DLC1: variants seen among roughly 807,000 people sequenced by gnomAD.
The protein encoded by DLC1 is rho GTPase-activating protein 7.
Under a neutral mutation model 140.3 loss-of-function variants are expected in DLC1, and 54 were observed. That is an observed-to-expected ratio of 0.38 (90% CI 0.31 to 0.48). The LOEUF (loss-of-function observed/expected upper bound fraction) is 0.48, where lower values mean the gene tolerates loss of function less well. DLC1 is among the 20% of genes least tolerant of loss of function. The pLI is 0.96. For missense variants in DLC1, 2,536 were observed against 1,907.0 expected (o/e 1.33, Z -6.14); for synonymous variants, 986 against 728.1 (o/e 1.35, Z -5.70).
chr8:13,405,929 CTT>C (rs1218298822), intron 2 of DLC1, among the ~76,000 whole-genome samples: 1 of 78,734 alleles, frequency 1.3e-5, no homozygotes, highest in Non-Finnish European at 2.6e-5. Flanking sequence ...TTCTTTCTTT[CTT>C]TCTTTCTTTC....
chr8:13,478,193 A>T (rs185866236), intron 2 of DLC1, among the ~76,000 whole-genome samples: 1 of 152,334 alleles, frequency 6.6e-6, no homozygotes, highest in Admixed American at 6.5e-5. Context: ...GAAGCTTACA[A>T]TCATGGTGGA....
At position 13,153,959 on chromosome 8, in the gene DLC1, G is replaced by A. The variant is rs191755532; in HGVS notation, c.1349-38302C>T. On this transcript the variant is annotated intron_variant, in intron 5 of 17. Coordinates refer to ENST00000276297, the MANE Select transcript of DLC1 (RefSeq NM_182643.3). ...ACTGATTGGTGTGTTTACAAACCTT[G>A]AGCTAGACACAGGGTGGTGATTGGT... Among the ~76,000 whole-genome samples the A allele has an allele frequency of 2.0e-3, 300 of 152,178 alleles. 2 individuals are homozygous for A. Among genetic ancestry groups the A allele is most frequent in the African/African-American group, 7.0e-3 (290 of 41,530 alleles).
At chr8:13,198,328 T>C (rs1312805877) in intron 5 of DLC1, among the ~76,000 whole-genome samples, 1 of 152,158 alleles carries the variant, frequency 6.6e-6, no homozygotes, top group Non-Finnish European at 1.5e-5. Flanking sequence ...TTGTTTTGAA[T>C]TGGTACCATT....
rs184228352 is a variant in DLC1, at chr8:13,300,481, C to T, written c.1348+4788G>A. Among the ~76,000 whole-genome samples, 180 of 152,270 alleles carry T rather than the reference C, an allele frequency of 1.2e-3. 1 individual carries two copies. The highest frequency in any genetic ancestry group is 4.1e-3 in the African/African-American group (171 of 41,548). On this transcript the variant is annotated intron_variant, in intron 5 of 17. Coordinates refer to ENST00000276297, the MANE Select transcript of DLC1 (RefSeq NM_182643.3). ...TTGAACTTAAAAACAAACTCTCCAA[C>T]CTCATTGTCCCACCATCCCCCTCCC...
At chr8:13,530,968 G>T (rs1157422235) in intron 1 of DLC1, among the ~76,000 whole-genome samples, 1 of 152,144 alleles carries the variant, frequency 6.6e-6, no homozygotes, top group East Asian at 1.9e-4. Context: ...ATTTGGAGAT[G>T]ATGCATTTGG....
intron 4 of DLC1, among the ~76,000 whole-genome samples, chr8:13,352,023 G>A (rs367969049): frequency 9.2e-5 from 14 of 152,128 alleles, no homozygotes; most frequent in East Asian, 1.9e-4. Flanking sequence ...CATGAGCCAC[G>A]GTGCCCAGCC....
At chr8:13,470,083 CT>C (rs150672265) in intron 2 of DLC1, among the ~76,000 whole-genome samples, 8 of 150,090 alleles carry the variant, frequency 5.3e-5, no homozygotes, top group Admixed American at 6.6e-5. Flanking sequence ...TTTTTTCCCC[CT>C]TTGGTGAACC....
intron 4 of DLC1, among the ~76,000 whole-genome samples, chr8:13,327,565 C>G (rs189928378): frequency 6.6e-6 from 1 of 151,802 alleles, no homozygotes; most frequent in Middle Eastern, 3.2e-3. Flanking sequence ...AGCAATCCTC[C>G]TGTCTCAGGT....
intron 4 of DLC1, among the ~76,000 whole-genome samples, chr8:13,328,976 T>C (rs1833484154): frequency 6.6e-6 from 1 of 152,080 alleles, no homozygotes; most frequent in Non-Finnish European, 1.5e-5. Context: ...GTGAAGGGGA[T>C]GGGAAGCTGG....
At chr8:13,196,654 C>T (rs1189719721) in intron 5 of DLC1, among the ~76,000 whole-genome samples, 1 of 152,224 alleles carries the variant, frequency 6.6e-6, no homozygotes, top group Non-Finnish European at 1.5e-5. Context: ...GAAACAAGTT[C>T]TCCAGGGAAA....
intron 4 of DLC1, among the ~76,000 whole-genome samples, chr8:13,320,842 C>G (rs771473675): frequency 6.6e-6 from 1 of 152,124 alleles, no homozygotes; most frequent in Non-Finnish European, 1.5e-5. Context: ...GAGACAGACA[C>G]CATCTCTACA....
intron 4 of DLC1, among the ~76,000 whole-genome samples, chr8:13,316,259 G>T (rs1832856123): frequency 6.6e-6 from 1 of 152,298 alleles, no homozygotes; most frequent in African/African-American, 2.4e-5. Context: ...GTCTGACAAG[G>T]TGGAAGGGCA....
intron 4 of DLC1, among the ~76,000 whole-genome samples, chr8:13,306,959 C>T (rs1177652832): frequency 1.3e-5 from 2 of 151,566 alleles, no homozygotes; most frequent in East Asian, 1.9e-4. Context: ...TGGCAGGTGC[C>T]CGTAATCCCA....
intron 4 of DLC1, among the ~76,000 whole-genome samples, chr8:13,359,015 T>C (rs1288717300): frequency 6.6e-6 from 1 of 152,180 alleles, no homozygotes; most frequent in Non-Finnish European, 1.5e-5. Context: ...CTAGGCTCAC[T>C]GCAAGCTCCG....
At chr8:13,526,923 T>TA (rs921993208) in intron 1 of DLC1, among the ~76,000 whole-genome samples, 2 of 152,044 alleles carry the variant, frequency 1.3e-5, no homozygotes, top group Non-Finnish European at 2.9e-5. Context: ...AAGTAAAATT[T>TA]AAAAAAAAGT....
At chr8:13,109,102 A>G (rs1017803329) in intron 7 of DLC1, among the ~76,000 whole-genome samples, 4 of 152,156 alleles carry the variant, frequency 2.6e-5, no homozygotes, top group African/African-American at 9.7e-5. Flanking sequence ...TATGCTAAAT[A>G]TCCCATCTAT....
intron 4 of DLC1, among the ~76,000 whole-genome samples, chr8:13,370,929 C>A (rs905684726): frequency 6.6e-6 from 1 of 152,126 alleles, no homozygotes. Context: ...TACACATGAT[C>A]CTGGCCAAGG....
intron 4 of DLC1, among the ~76,000 whole-genome samples, chr8:13,319,268 C>T (rs890991472): frequency 6.6e-6 from 1 of 152,182 alleles, no homozygotes; most frequent in African/African-American, 2.4e-5. Flanking sequence ...AGAAATTTTG[C>T]ATTATAATTA....
intron 4 of DLC1, among the ~76,000 whole-genome samples, chr8:13,385,761 C>T (rs112921857): frequency 0.017 from 2,536 of 152,262 alleles, 99 homozygotes; most frequent in African/African-American, 0.057. Flanking sequence ...TTTGTATATT[C>T]ACATGAAATC....
Sources: allele counts gnomAD v4.1 joint callset (sites outside exome capture counted in the v4.1 genomes callset), GRCh38; gene constraint gnomAD v4.1.1; transcripts MANE v1.5; gene names NCBI Gene and HGNC (gene_info 2026-07-23, HGNC 2026-07-21).